Variants in SEL1L observed in about 807,000 individuals in gnomAD.
SEL1L encodes the protein SEL1L adaptor subunit of SYVN1 ubiquitin ligase, also known as protein sel-1 homolog 1.
SEL1L carries 52 observed loss-of-function variants against 109.8 expected under a neutral mutation model. The ratio of observed to expected loss-of-function variants is 0.47; its 90% CI spans 0.38 to 0.60. The LOEUF (loss-of-function observed/expected upper bound fraction) is 0.60. Among genes scored for constraint, SEL1L ranks in the 20% least tolerant of loss-of-function variants. The probability of loss-of-function intolerance (pLI) is 0.00; values close to 1 mark genes in which losing one functional copy is unlikely to be tolerated. For synonymous variants in SEL1L, 373 were observed against 339.6 expected (o/e 1.10, Z -1.08); for missense variants, 749 against 962.2 (o/e 0.78, Z 2.93).
At position 81,476,692 on chromosome 14, in the gene SEL1L, C is replaced by CT. The variant is rs1368952684; in HGVS notation, c.*279dup. ...ATAGCTGGATACAGTAGACATTACT[C>CT]TGAGTGTCTCACATATGTTTCCAGA... On this transcript the variant is annotated 3_prime_UTR_variant, in exon 21 of 21. Transcript: ENST00000336735. The CT allele has an allele frequency of 2.5e-6, 1 of 397,590 alleles. No homozygotes were observed. The highest frequency in any genetic ancestry group is 2.0e-5 in the African/African-American group (1 of 50,388). The allele number at this position is 397,590 out of a possible 1,614,324, so 24.6% of individuals were successfully genotyped here. A position where few individuals can be genotyped will look rare whatever the true frequency, so the allele number is the denominator to read the frequency against.
intron 20 of SEL1L, chr14:81,479,410 C>T: frequency 5.2e-6 from 2 of 384,108 alleles, no homozygotes; most frequent in Non-Finnish European, 9.1e-6. Flanking sequence ...TCAAACGCTA[C>T]CTAAAAACTG....
At chr14:81,482,632 C>T (rs573875077) in intron 19 of SEL1L, among the ~76,000 whole-genome samples, 1 of 152,256 alleles carries the variant, frequency 6.6e-6, no homozygotes, top group Admixed American at 6.5e-5. Context: ...CAGAGATCTT[C>T]CAGAAGTTGA....
intron 3 of SEL1L, among the ~76,000 whole-genome samples, chr14:81,516,818 C>A (rs763768772): frequency 2.0e-5 from 3 of 152,162 alleles, no homozygotes; most frequent in Non-Finnish European, 4.4e-5. Context: ...ATTAAGTGAT[C>A]CTGCATCAGT....
intron 19 of SEL1L, among the ~76,000 whole-genome samples, chr14:81,480,441 A>G (rs897228358): frequency 1.8e-4 from 27 of 152,280 alleles, no homozygotes; most frequent in Admixed American, 1.6e-3. Flanking sequence ...CGCCCGCCTC[A>G]GCCTCCCAAA....
intron 10 of SEL1L, among the ~76,000 whole-genome samples, chr14:81,496,463 G>A (rs531770144): frequency 6.6e-6 from 1 of 152,358 alleles, no homozygotes; most frequent in East Asian, 1.9e-4. Context: ...GAGCTGGCTA[G>A]GTGTGGTGGC....
At position 81,476,960 on chromosome 14, in the gene SEL1L, A is replaced by T. The variant is rs1348339859; in HGVS notation, c.*12T>A. ...CTTCGCTGTCACTGATCAAGGCTGG[A>T]CCCAGTGCCTATTACTGTGGTGGCT... On this transcript the variant is annotated 3_prime_UTR_variant, in exon 21 of 21. Transcript: ENST00000336735. 1.2e-6 allele frequency: 2 copies of T among 1,613,872 alleles called. No homozygotes were observed. The highest frequency in any genetic ancestry group is 1.7e-6 in the Non-Finnish European group (2 of 1,179,858).
intron 6 of SEL1L, among the ~76,000 whole-genome samples, chr14:81,502,152 A>G (rs1595518659): frequency 1.3e-5 from 2 of 152,196 alleles, no homozygotes; most frequent in African/African-American, 4.8e-5. Flanking sequence ...GTGAAGTTCC[A>G]GAACAATAGA....
chr14:81,487,402 G>A lies in SEL1L; in HGVS notation c.1620C>T (p.His540=). 3.1e-6 allele frequency: 5 copies of A among 1,587,818 alleles called. No homozygotes were observed. The highest frequency in any genetic ancestry group is 4.3e-6 in the Non-Finnish European group (5 of 1,173,732). ...ASGTGVMRSC[H]TAVELFKNVC... is the part of the protein sequence containing the mutation. Reference sequence around the variant, plus strand: ...GGAAAGACCTTACCTCCACTGCAGTGTGACATGATCGCATCACGCCGGTGC... The same window carrying A: ...GGAAAGACCTTACCTCCACTGCAGTATGACATGATCGCATCACGCCGGTGC... The change falls in exon 16 of 21, where the codon CAC becomes CAT. Residue 540 remains histidine, a synonymous_variant. Coordinates refer to ENST00000336735, the MANE Select transcript of SEL1L (RefSeq NM_005065.6).
chr14:81,479,518 C>T (rs1903276505), intron 20 of SEL1L, 94 bp downstream of exon 20: 1 of 1,332,468 alleles, frequency 7.5e-7, no homozygotes, highest in African/African-American at 1.5e-5. Flanking sequence ...TGCAGGACCA[C>T]TCTTCCCTGT....
intron 3 of SEL1L, among the ~76,000 whole-genome samples, chr14:81,508,409 T>G (rs1884328042): frequency 6.6e-6 from 1 of 152,088 alleles, no homozygotes; most frequent in African/African-American, 2.4e-5. Flanking sequence ...AGGACATCCC[T>G]ATACACTGCT....
chr14:81,489,119 C>A, intron 14 of SEL1L, 133 bp downstream of exon 14: 2 of 769,350 alleles, frequency 2.6e-6, no homozygotes, highest in South Asian at 1.5e-5. Context: ...CAAACTCAGA[C>A]AACAGAAAGA....
chr14:81,526,819 T>A lies in SEL1L; in HGVS notation c.254A>T (p.Glu85Val), dbSNP rs1885131508. Residue 85 changes from glutamate to valine, a missense_variant, in exon 3 of 21, where the codon GAA becomes GTA. Around this residue, in one of 2 missense-constraint regions of SEL1L, gnomAD observed 366 missense variants for 399.8 expected, o/e 0.92. Transcript: ENST00000336735. The stretch of plus-strand genomic sequence containing the variant: ...AAAGCTGATATCTTCTGTGACACTT[T>A]CCCCCTCTTGGCTCTTGAGGCTGTC... ...EEDSLKSQEG[E>V]SVTEDISFLE... 1 of 1,606,786 alleles carries A rather than the reference T, an allele frequency of 6.2e-7. No individual in the cohort carries two copies. The highest frequency in any genetic ancestry group is 1.1e-5 in the South Asian group (1 of 89,568).
chr14:81,502,895 A>G lies in SEL1L; in HGVS notation c.615-12T>C. The G allele has an allele frequency of 6.4e-7, 1 of 1,569,662 alleles. No homozygotes were observed. Among genetic ancestry groups the G allele is most frequent in the Non-Finnish European group, 8.6e-7 (1 of 1,156,740 alleles). On this transcript the variant is annotated splice_polypyrimidine_tract_variant and intron_variant, in intron 5 of 20. Coordinates refer to ENST00000336735, the MANE Select transcript of SEL1L (RefSeq NM_005065.6). ...GATACCGATATGCTCTTCAAATGTAAACAATTAAAAACCAAATTAGTAATG... is the reference window on the plus strand; with the variant it reads ...GATACCGATATGCTCTTCAAATGTAGACAATTAAAAACCAAATTAGTAATG...
intron 10 of SEL1L, among the ~76,000 whole-genome samples, chr14:81,495,357 G>A (rs575004292): frequency 1.6e-4 from 24 of 152,284 alleles, no homozygotes; most frequent in East Asian, 9.7e-4. Context: ...TACCATTTGC[G>A]GCCAGGTGCG....
At chr14:81,507,587 G>GA (rs1304120248) in intron 3 of SEL1L, among the ~76,000 whole-genome samples, 1 of 136,510 alleles carries the variant, frequency 7.3e-6, no homozygotes, top group Non-Finnish European at 1.6e-5. Flanking sequence ...AAAAAACAAA[G>GA]AAAAAACCCA....
chr14:81,525,436 A>AT (rs1333558753), intron 3 of SEL1L, among the ~76,000 whole-genome samples: 16 of 151,962 alleles, frequency 1.1e-4, no homozygotes, highest in Non-Finnish European at 2.2e-4. Context: ...AAAAAAAAAA[A>AT]AATCCCTAAT....
At chr14:81,493,339 G>A (rs372898638) in intron 11 of SEL1L, among the ~76,000 whole-genome samples, 14 of 152,018 alleles carry the variant, frequency 9.2e-5, no homozygotes, top group South Asian at 6.2e-4. Flanking sequence ...GTGAAACTCC[G>A]TCTCTACTAA....
intron 3 of SEL1L, among the ~76,000 whole-genome samples, chr14:81,518,217 A>T (rs1345219538): frequency 2.0e-5 from 3 of 150,278 alleles, no homozygotes; most frequent in Admixed American, 6.7e-5. Flanking sequence ...TTGTACTCTG[A>T]CTCTCATGAG....
chr14:81,511,909 G>C (rs535972011), intron 3 of SEL1L, among the ~76,000 whole-genome samples: 1 of 152,254 alleles, frequency 6.6e-6, no homozygotes, highest in African/African-American at 2.4e-5. Context: ...CAAAATTAAA[G>C]AAAAATGACA....
Sources: gnomAD v4.1 joint callset for allele counts (sites outside exome capture counted in the v4.1 genomes callset) on GRCh38, gnomAD v4.1.1 for gene constraint, gnomAD v4.1.1 regional missense constraint, MANE v1.5 for transcripts, NCBI Gene and HGNC (gene_info 2026-07-23, HGNC 2026-07-21) for gene names.